Variants in ATXN10 observed in about 807,000 individuals in gnomAD.
ATXN10 encodes ataxin 10.
In ATXN10, 28 loss-of-function variants were observed where a neutral mutation model predicts 52.9. The observed-to-expected ratio is 0.53, with a 90% CI of 0.39 to 0.73. The LOEUF is 0.73. ATXN10 is among the 30% of genes least tolerant of loss of function. The probability of loss-of-function intolerance (pLI) is 0.00; values close to 1 mark genes in which losing one functional copy is unlikely to be tolerated. For missense variants in ATXN10, 565 were observed against 577.0 expected (o/e 0.98, Z 0.21); for synonymous variants, 226 against 221.5 (o/e 1.02, Z -0.18).
chr22:45,736,024 G>A (rs2146797193), intron 7 of ATXN10, among the ~76,000 whole-genome samples: 1 of 152,112 alleles, frequency 6.6e-6, no homozygotes, highest in Middle Eastern at 3.4e-3. Context: ...TTGTGAATGT[G>A]TTAGGTGGGG....
chr22:45,777,288 C>T (rs780699887), intron 9 of ATXN10, among the ~76,000 whole-genome samples: 12 of 152,108 alleles, frequency 7.9e-5, no homozygotes, highest in Admixed American at 3.3e-4. Flanking sequence ...TAGCTGGAGT[C>T]GGGTGGGTGT....
At chr22:45,814,010 G>C (rs1319967346) in intron 10 of ATXN10, among the ~76,000 whole-genome samples, 1 of 152,170 alleles carries the variant, frequency 6.6e-6, no homozygotes, top group Non-Finnish European at 1.5e-5. Context: ...TGTCCATAGT[G>C]GGGAAAACAT....
In ATXN10 at chr22:45,784,128, C is replaced by T. The variant is rs1298455462; in HGVS notation, c.1174-22831C>T. Among the ~76,000 whole-genome samples the T allele has an allele frequency of 6.6e-6, 1 of 152,070 alleles. No individual in the cohort carries two copies. Among genetic ancestry groups the T allele is most frequent in the Non-Finnish European group, 1.5e-5 (1 of 68,014 alleles). On this transcript the variant is annotated intron_variant, in intron 9 of 11. Transcript: ENST00000252934. This position sits in a 1 kb window ranked among gnomAD's most constrained non-coding sequence, Gnocchi z 4.2. ...CATTTAATATTATTTCAGCCATTCT[C>T]TCTTTTCTGAAAACCAGAAATAGTT...
chr22:45,693,686 T>C (rs546182499), intron 3 of ATXN10, among the ~76,000 whole-genome samples: 1 of 152,238 alleles, frequency 6.6e-6, no homozygotes, highest in South Asian at 2.1e-4. Flanking sequence ...ACCCAGAATG[T>C]GACTGAATTT....
At chr22:45,830,694 GA>G (rs571033027) in intron 10 of ATXN10, among the ~76,000 whole-genome samples, 9,495 of 115,486 alleles carry the variant, frequency 0.082, 324 homozygotes, top group African/African-American at 0.11. Flanking sequence ...TACAAAACAA[GA>G]AAAAAAAAAA....
intron 6 of ATXN10, among the ~76,000 whole-genome samples, chr22:45,722,193 T>G (rs1161726430): frequency 6.6e-6 from 1 of 152,216 alleles, no homozygotes; most frequent in Non-Finnish European, 1.5e-5. Flanking sequence ...GCTGGGTCTT[T>G]CCTACTTTTG....
rs766880097 is a variant in ATXN10, at chr22:45,808,473, C to T, written c.1237+1451C>T. Among the ~76,000 whole-genome samples the T allele has an allele frequency of 1.8e-4, 28 of 152,302 alleles. No homozygotes were observed. In the East Asian group the frequency reaches 5.4e-3, roughly 29 times the overall value. ...AGCACATTGTAGGCCTACAGATGCT[C>T]GCAGCACCTTCCACCTTGGTGTCCT... On this transcript the variant is annotated intron_variant, in intron 10 of 11. Coordinates refer to ENST00000252934, the MANE Select transcript of ATXN10 (RefSeq NM_013236.4).
Position 45,843,008 on chromosome 22 carries a change from A to G in ATXN10, c.1255A>G (p.Ile419Val). Reference sequence around the variant, plus strand: ...GGCTCCAGTTCTGACCCAGTGGGTGATATATGCCATCCGAAACCTTACCGA... The same window carrying G: ...GGCTCCAGTTCTGACCCAGTGGGTGGTATATGCCATCCGAAACCTTACCGA... ...DSNPFLTQWV[I>V]YAIRNLTEDN... Residue 419 changes from isoleucine to valine, a missense_variant, in exon 11 of 12, where the codon ATA (isoleucine) becomes GTA (valine). Transcript: ENST00000252934. This position sits in a 1 kb window ranked among gnomAD's most constrained non-coding sequence, Gnocchi z 4.5. 1 of 1,614,204 alleles carries G rather than the reference A, an allele frequency of 6.2e-7. No individual in the cohort carries two copies. The highest frequency in any genetic ancestry group is 8.5e-7 in the Non-Finnish European group (1 of 1,180,026).
At position 45,688,724 on chromosome 22, in the gene ATXN10, G is replaced by T. The variant is rs1221328316; in HGVS notation, c.117-988G>T. The stretch of plus-strand genomic sequence containing the variant: ...GTCTGGCTCAATCCAAGGGTGAAAG[G>T]TAGGGCACTGTGAATCTACAGCGAG... On this transcript the variant is annotated intron_variant, in intron 1 of 11. Transcript: ENST00000252934. This position sits in a 1 kb window ranked among gnomAD's most constrained non-coding sequence, Gnocchi z 4.0. Among the ~76,000 whole-genome samples, 5 of 152,346 alleles carry T rather than the reference G, an allele frequency of 3.3e-5. No individual in the cohort carries two copies. In the East Asian group the frequency reaches 9.6e-4, roughly 29 times the overall value.
intron 9 of ATXN10, among the ~76,000 whole-genome samples, chr22:45,765,692 C>A (rs1447514963): frequency 6.6e-6 from 1 of 152,144 alleles, no homozygotes; most frequent in African/African-American, 2.4e-5. Flanking sequence ...TCTTGCTGTT[C>A]AAAATATTGG....
chr22:45,685,027 G>A (rs950849889), intron 1 of ATXN10, among the ~76,000 whole-genome samples: 4 of 151,282 alleles, frequency 2.6e-5, no homozygotes, highest in African/African-American at 9.7e-5. Context: ...GTAAATCTAA[G>A]GTATTAGAAT....
chr22:45,821,359 A>C (rs1208077010), intron 10 of ATXN10, among the ~76,000 whole-genome samples: 2 of 151,812 alleles, frequency 1.3e-5, no homozygotes, highest in Non-Finnish European at 2.9e-5. Context: ...AAAAAAAAAA[A>C]AAAAAAAACG....
rs1569052516 is a variant in ATXN10 at position 45,757,707 on chromosome 22, TATA to T, written c.1173+17171_1173+17173del. ...CAATACATTTTTCATATGCTGACCTTATAAGTCATATTGTTTTGAAATTATATT... is the reference window on the plus strand; with the variant it reads ...CAATACATTTTTCATATGCTGACCTTAGTCATATTGTTTTGAAATTATATT... On this transcript the variant is annotated intron_variant, in intron 9 of 11. Coordinates refer to ENST00000252934, the MANE Select transcript of ATXN10 (RefSeq NM_013236.4). The surrounding 1 kb of genome is among the most constrained non-coding windows in gnomAD (Gnocchi z 4.6). Among the ~76,000 whole-genome samples the T allele has an allele frequency of 6.6e-6, 1 of 152,206 alleles. No individual in the cohort carries two copies. Among genetic ancestry groups the T allele is most frequent in the East Asian group, 1.9e-4 (1 of 5,204 alleles).
In ATXN10 at chr22:45,690,751, T is replaced by G. The variant is rs913859310; in HGVS notation, c.308+848T>G. The stretch of plus-strand genomic sequence containing the variant: ...GTAGTTAAAACATGAGCAGGCGAGC[T>G]GTCCAGTGCTCTTCTTTGCTTTTAC... On this transcript the variant is annotated intron_variant, in intron 2 of 11. Coordinates refer to ENST00000252934, the MANE Select transcript of ATXN10 (RefSeq NM_013236.4). This position sits in a 1 kb window ranked among gnomAD's most constrained non-coding sequence, Gnocchi z 4.5. Among the ~76,000 whole-genome samples, 53 of 152,348 alleles carry G rather than the reference T, an allele frequency of 3.5e-4. No homozygotes were observed. The highest frequency in any genetic ancestry group is 1.1e-3 in the African/African-American group (46 of 41,586).
At chr22:45,809,373 G>T (rs1048280038) in intron 10 of ATXN10, among the ~76,000 whole-genome samples, 1 of 151,856 alleles carries the variant, frequency 6.6e-6, no homozygotes, top group East Asian at 1.9e-4. Flanking sequence ...CACCTATATG[G>T]GGATTTTTAA....
rs112602489 is a variant in ATXN10, at chr22:45,835,670, T to G, written c.1238-7321T>G. Among the ~76,000 whole-genome samples the G allele has an allele frequency of 0.013, 2,049 of 152,354 alleles. 32 individuals carry two copies. The highest frequency in any genetic ancestry group is 0.047 in the African/African-American group (1,934 of 41,580). ...CTTCCCTTACGGCCTAGAAGCCGAT[T>G]AGCAGCCTCAGCTTTCAGTGCAGGG... is the stretch of plus-strand genomic sequence containing the variant. On this transcript the variant is annotated intron_variant, in intron 10 of 11. Coordinates refer to ENST00000252934, the MANE Select transcript of ATXN10 (RefSeq NM_013236.4). This position sits in a 1 kb window ranked among gnomAD's most constrained non-coding sequence, Gnocchi z 5.0.
At chr22:45,761,388 C>T (rs538014664) in intron 9 of ATXN10, among the ~76,000 whole-genome samples, 50 of 152,276 alleles carry the variant, frequency 3.3e-4, no homozygotes, top group African/African-American at 1.1e-3. Context: ...AGTTCCGGGC[C>T]CACAGTGAGT....
At position 45,750,908 on chromosome 22, in the gene ATXN10, T is replaced by G. The variant is rs1925922059; in HGVS notation, c.1173+10370T>G. Among the ~76,000 whole-genome samples, 1 of 151,314 alleles carries G rather than the reference T, an allele frequency of 6.6e-6. No individual in the cohort carries two copies. The highest frequency in any genetic ancestry group is 2.1e-4 in the South Asian group (1 of 4,748). ...AGAACATGCTCCGTTCATTAGTGAT[T>G]GTAGTAATTCTTTCTTTCTTCTACT... On this transcript the variant is annotated intron_variant, in intron 9 of 11. Transcript: ENST00000252934. This position sits in a 1 kb window ranked among gnomAD's most constrained non-coding sequence, Gnocchi z 4.2.
chr22:45,767,896 T>TA, intron 9 of ATXN10, among the ~76,000 whole-genome samples: 2 of 152,334 alleles, frequency 1.3e-5, no homozygotes, highest in Middle Eastern at 6.8e-3. Context: ...CTGAAATACT[T>TA]ACACTGTGTG....
Sources: gnomAD v4.1 joint callset for allele counts (sites outside exome capture counted in the v4.1 genomes callset) on GRCh38, gnomAD v4.1.1 for gene constraint, Gnocchi (gnomAD v3.1) non-coding constraint, MANE v1.5 for transcripts, NCBI Gene and HGNC (gene_info 2026-07-23, HGNC 2026-07-21) for gene names.